COL22A1: variants seen among roughly 807,000 people sequenced by gnomAD.
The protein encoded by COL22A1 is collagen alpha-1(XXII) chain.
In COL22A1, 221 loss-of-function variants were observed where a neutral mutation model predicts 248.9. The ratio of observed to expected loss-of-function variants is 0.89; its 90% CI spans 0.80 to 0.99. The LOEUF is 0.99. Among genes scored for constraint, COL22A1 ranks in the 50% least tolerant of loss-of-function variants. The probability of loss-of-function intolerance (pLI) is 0.00; values close to 1 mark genes in which losing one functional copy is unlikely to be tolerated. For synonymous variants in COL22A1, 891 were observed against 793.4 expected, an observed-to-expected ratio of 1.12 and a Z score of -2.07; for missense variants, 2,240 against 2,179.0, an observed-to-expected ratio of 1.03 and a Z score of -0.56.
intron 3 of COL22A1, among the ~76,000 whole-genome samples, chr8:138,872,009 C>G (rs1383832343): frequency 2.6e-5 from 4 of 152,198 alleles, no homozygotes; most frequent in African/African-American, 9.6e-5. Context: ...CAAGGAGGAA[C>G]TGACCCCACA....
At chr8:138,911,363 C>G (rs1351063927) in intron 1 of COL22A1, among the ~76,000 whole-genome samples, 1 of 152,212 alleles carries the variant, frequency 6.6e-6, no homozygotes, top group Non-Finnish European at 1.5e-5. Flanking sequence ...TCCACATAAG[C>G]TATGACTTCT....
At chr8:138,703,912 G>A (rs1025941896) in intron 30 of COL22A1, among the ~76,000 whole-genome samples, 2 of 152,120 alleles carry the variant, frequency 1.3e-5, no homozygotes, top group East Asian at 3.9e-4. Context: ...TGGAAAATTG[G>A]GACACTCCCA....
chr8:138,673,368 C>T (rs1014352748), intron 41 of COL22A1, among the ~76,000 whole-genome samples: 4 of 152,138 alleles, frequency 2.6e-5, no homozygotes, highest in African/African-American at 9.7e-5. Flanking sequence ...CGCCACCATG[C>T]CTGGCTAACT....
At chr8:138,716,449 G>C (rs1021468302) in intron 28 of COL22A1, among the ~76,000 whole-genome samples, 160 bp from the exon 29 acceptor site, 8 of 152,194 alleles carry the variant, frequency 5.3e-5, no homozygotes, top group African/African-American at 1.9e-4. Flanking sequence ...CGGAATTCTA[G>C]AGAATTTCGT....
At chr8:138,725,057 G>A (rs77908369) in intron 24 of COL22A1, among the ~76,000 whole-genome samples, 4,075 of 152,256 alleles carry the variant, frequency 0.027, 47 homozygotes, top group South Asian at 0.038. Flanking sequence ...ATGCTTGCCC[G>A]GGTCCTCTGT....
At chr8:138,775,743 C>T (rs1401645422) in intron 16 of COL22A1, among the ~76,000 whole-genome samples, 1 of 152,188 alleles carries the variant, frequency 6.6e-6, no homozygotes, top group Non-Finnish European at 1.5e-5. Flanking sequence ...ACAGCCTTCC[C>T]AGCACAACTT....
At chr8:138,751,563 G>A (rs369772811) in intron 21 of COL22A1, 52 bp from the exon 22 acceptor site, 4 of 1,286,378 alleles carry the variant, frequency 3.1e-6, no homozygotes, top group Non-Finnish European at 3.3e-6. Context: ...GGTAAATGCA[G>A]GGCTCAATGG....
intron 4 of COL22A1, among the ~76,000 whole-genome samples, chr8:138,835,585 T>G (rs1440745925): frequency 6.6e-6 from 1 of 152,026 alleles, no homozygotes; most frequent in Admixed American, 6.6e-5. Flanking sequence ...CGCCACCCTA[T>G]CCCCCTCAGG....
chr8:138,676,745 C>A, intron 40 of COL22A1, 110 bp from the exon 41 acceptor site: 1 of 802,200 alleles, frequency 1.2e-6, no homozygotes, highest in Non-Finnish European at 2.0e-6. Context: ...CTTCTCCTGC[C>A]ACCTGGCCTC....
chr8:138,648,386 T>C (rs1195606096), intron 46 of COL22A1, among the ~76,000 whole-genome samples: 1 of 152,250 alleles, frequency 6.6e-6, no homozygotes, highest in Non-Finnish European at 1.5e-5. Flanking sequence ...ATCTTTCACA[T>C]CTGTGTTTGT....
At position 138,834,093 on chromosome 8, in the gene COL22A1, G is replaced by C. The variant is rs1417712531; in HGVS notation, c.734-943C>G. On this transcript the variant is annotated intron_variant, in intron 4 of 64. Transcript: ENST00000303045. ...CTTTCTGCAGACCAGGTTCTCAGAGGGGCCTGAGGACAACACTCGTTCTGG... is the reference window on the plus strand; with the variant it reads ...CTTTCTGCAGACCAGGTTCTCAGAGCGGCCTGAGGACAACACTCGTTCTGG... Among the ~76,000 whole-genome samples the C allele has an allele frequency of 2.6e-5, 4 of 152,106 alleles. No individual in the cohort carries two copies. The East Asian group carries it at 5.8e-4, about 22-fold the overall frequency.
chr8:138,609,574 C>T (rs60969113), intron 56 of COL22A1, among the ~76,000 whole-genome samples: 4,682 of 152,260 alleles, frequency 0.031, 211 homozygotes, highest in African/African-American at 0.1. Context: ...GGCCCTTCCG[C>T]GAACGCTGCA....
At chr8:138,715,376 C>T (rs553973296) in intron 30 of COL22A1, among the ~76,000 whole-genome samples, 2 of 152,000 alleles carry the variant, frequency 1.3e-5, no homozygotes, top group African/African-American at 4.8e-5. Flanking sequence ...CAAGACCAGA[C>T]TGGCTAACAT....
chr8:138,901,916 G>T (rs932258384), intron 1 of COL22A1, among the ~76,000 whole-genome samples: 8 of 152,056 alleles, frequency 5.3e-5, no homozygotes, highest in Admixed American at 3.3e-4. Context: ...GGGGCTACCT[G>T]CACTCCCCTG....
chr8:138,674,676 C>G (rs1825361421), intron 41 of COL22A1, among the ~76,000 whole-genome samples: 1 of 152,116 alleles, frequency 6.6e-6, no homozygotes, highest in African/African-American at 2.4e-5. Flanking sequence ...TCTGTAAGGG[C>G]TGATAAGGTG....
intron 1 of COL22A1, among the ~76,000 whole-genome samples, chr8:138,903,223 GA>G (rs1023240577): frequency 5.9e-5 from 9 of 152,132 alleles, no homozygotes; most frequent in African/African-American, 1.9e-4. Flanking sequence ...TTCACAGACT[GA>G]AACCCTGAAG....
intron 7 of COL22A1, among the ~76,000 whole-genome samples, chr8:138,813,288 C>T (rs972077255): frequency 1.2e-5 from 1 of 82,888 alleles, no homozygotes; most frequent in African/African-American, 4.1e-5. Context: ...CCATGTGTTT[C>T]GGGAGGGACC....
At chr8:138,852,470 A>C (rs1821716614) in intron 3 of COL22A1, among the ~76,000 whole-genome samples, 1 of 152,152 alleles carries the variant, frequency 6.6e-6, no homozygotes, top group Non-Finnish European at 1.5e-5. Context: ...CCAATGGTGG[A>C]CATTTTCCAT....
chr8:138,759,406 T>C (rs1243561756), intron 18 of COL22A1, among the ~76,000 whole-genome samples: 1 of 152,184 alleles, frequency 6.6e-6, no homozygotes, highest in East Asian at 1.9e-4. Context: ...ATGTCTCCCG[T>C]CTCAGCCCCT....
Sources: gnomAD v4.1 joint callset for allele counts (sites outside exome capture counted in the v4.1 genomes callset) on GRCh38, gnomAD v4.1.1 for gene constraint, MANE v1.5 for transcripts, NCBI Gene and HGNC (gene_info 2026-07-23, HGNC 2026-07-21) for gene names.